The following OR2T35 variants were observed in gnomAD, a reference collection of about 807,000 sequenced individuals.
OR2T35 encodes the protein olfactory receptor family 2 subfamily T member 35 (gene/pseudogene).
For missense variants in OR2T35, 47 were observed against 278.8 expected (o/e 0.17, Z 5.92); for synonymous variants, 18 against 110.2 (o/e 0.16, Z 5.24).
chr1:248,642,350 AG>A (rs1347970057), intron 1 of OR2T35, among the ~76,000 whole-genome samples: 1 of 141,856 alleles, frequency 7.0e-6, no homozygotes, highest in East Asian at 2.1e-4. Context: ...CCTGACCCCC[AG>A]GACCAGTTAT....
Position 248,639,053 on chromosome 1 carries a change from A to G in OR2T35, c.206T>C (p.Ile69Thr), listed in dbSNP as rs1358471361. The change falls in exon 2 of 2, where the codon ATC becomes ACC. Residue 69 changes from isoleucine to threonine, a missense_variant. By Grantham distance (89) the Ile-to-Thr change is moderately conservative. Transcript: ENST00000641268. ...GATACAGATGTAGATGGTATCCATGATGGAGAGCTGGCTGAGCAAGAAGTA... is the reference window on the plus strand; with the variant it reads ...GATACAGATGTAGATGGTATCCATGGTGGAGAGCTGGCTGAGCAAGAAGTA... ...PMYFLLSQLSIMDTIYICITV... is the reference protein window; with the variant it reads ...PMYFLLSQLSTMDTIYICITV... 1 of 512,672 alleles carries G rather than the reference A, an allele frequency of 2.0e-6. No individual in the cohort carries two copies. The highest frequency in any genetic ancestry group is 3.4e-6 in the Non-Finnish European group (1 of 291,970). 31.8% of individuals were successfully genotyped at this position (512,672 alleles called of 1,614,324 possible). A position where few individuals can be genotyped will look rare whatever the true frequency, so the allele number is the denominator to read the frequency against.
chr1:248,639,547 TG>T (rs1161888054), intron 1 of OR2T35, among the ~76,000 whole-genome samples: 3 of 144,046 alleles, frequency 2.1e-5, no homozygotes, highest in African/African-American at 7.5e-5. Context: ...ATACAGTACC[TG>T]GTTTAGAATC....
In OR2T35 at chr1:248,644,991, T is replaced by TAAATAA. The variant is rs1161099433; in HGVS notation, c.-23+255_-23+256insTTATTT. On this transcript the variant is annotated intron_variant, in intron 1 of 1. Transcript: ENST00000641268. ...TACTGCCTTAGTTACCACCCCCCTT[T>TAAATAA]ATCTGCCTATTTAAATGGTAACTGT... Among the ~76,000 whole-genome samples the TAAATAA allele has an allele frequency of 2.3e-3, 45 of 19,882 alleles. 1 individual carries two copies. The Middle Eastern group carries it at 0.094, about 41-fold the overall frequency. 13.0% of individuals were successfully genotyped at this position (19,882 alleles called of 152,430 possible).
intron 1 of OR2T35, among the ~76,000 whole-genome samples, chr1:248,645,010 T>C: frequency 2.5e-5 from 1 of 39,712 alleles, no homozygotes; most frequent in Non-Finnish European, 9.0e-5. Flanking sequence ...ATTTAAATGG[T>C]AACTGTTTTC....
intron 1 of OR2T35, among the ~76,000 whole-genome samples, chr1:248,641,984 G>T (rs1413147707): frequency 9.4e-4 from 62 of 65,970 alleles, no homozygotes; most frequent in African/African-American, 1.9e-3. Context: ...AAGTAGACAG[G>T]GAAAATATCT....
intron 1 of OR2T35, among the ~76,000 whole-genome samples, chr1:248,641,327 C>A (rs1183496509): frequency 5.8e-5 from 1 of 17,100 alleles, no homozygotes; most frequent in African/African-American, 8.6e-5. Context: ...CAGTTAAATG[C>A]ATTATGGATA....
At position 248,642,162 on chromosome 1, in the gene OR2T35, A is replaced by G. The variant is rs141598987; in HGVS notation, c.-22-2882T>C. ...CCCATCAGCTCATCTTTCCCTCACT[A>G]TCATCATTCTCCACTCTAAGACACT... is the stretch of plus-strand genomic sequence containing the variant. On this transcript the variant is annotated intron_variant, in intron 1 of 1. Coordinates refer to ENST00000641268, the MANE Select transcript of OR2T35 (RefSeq NM_001001827.2). Among the ~76,000 whole-genome samples, 810 of 86,906 alleles carry G rather than the reference A, an allele frequency of 9.3e-3. 85 individuals are homozygous for G. The highest frequency in any genetic ancestry group is 0.023 in the African/African-American group (787 of 34,662). 57.0% of individuals were successfully genotyped at this position (86,906 alleles called of 152,430 possible).
rs1370741402 is a variant in OR2T35, at chr1:248,638,346, G to A, written c.913C>T (p.Leu305=). The change falls in exon 2 of 2, where the codon CTA becomes TTA. Residue 305 remains leucine (L), a synonymous_variant. Transcript: ENST00000641268. ...CTCTGGGAGGAACCACATCTCCCTA[G>A]TACTTTCCTCAGAGCTGCAGCCACA... ...KDVAAALRKV[L]GRCGSSQSIR... is the part of the protein sequence containing the mutation. 8 of 898,844 alleles carry A rather than the reference G, an allele frequency of 8.9e-6. No individual in the cohort carries two copies. The highest frequency in any genetic ancestry group is 1.8e-5 in the Admixed American group (1 of 54,228). The allele number at this position is 898,844 out of a possible 1,614,324, so 55.7% of individuals were successfully genotyped here. A position where few individuals can be genotyped will look rare whatever the true frequency, so the allele number is the denominator to read the frequency against.
chr1:248,640,585 CAA>C, intron 1 of OR2T35, among the ~76,000 whole-genome samples: 1 of 12,668 alleles, frequency 7.9e-5, no homozygotes, highest in African/African-American at 9.6e-5. Flanking sequence ...AACAAGAAAA[CAA>C]AAACTATAGA....
intron 1 of OR2T35, among the ~76,000 whole-genome samples, chr1:248,644,638 G>A (rs368443243): frequency 0.033 from 4,713 of 143,444 alleles, 220 homozygotes; most frequent in Non-Finnish European, 0.046. Flanking sequence ...GAGAAATAAG[G>A]TGCAAATGGG....
rs561839041 is a variant in OR2T35 at position 248,641,746 on chromosome 1, ATG to A, written c.-22-2468_-22-2467del. On this transcript the variant is annotated intron_variant, in intron 1 of 1. Transcript: ENST00000641268. ...TTGTGAGTGTGAGCGTTGTGCGTAC[ATG>A]TGTGTGTAGTGTGTTCATATGTGAG... 6.5e-4 allele frequency among the ~76,000 whole-genome samples: 53 copies of A among 82,104 alleles called. 2 individuals are homozygous for A. In the South Asian group the frequency reaches 0.025, roughly 39 times the overall value. The allele number at this position is 82,104 out of a possible 152,430, so 53.9% of individuals were successfully genotyped here.
chr1:248,642,096 G>T (rs1660790991), intron 1 of OR2T35, among the ~76,000 whole-genome samples: 3 of 90,044 alleles, frequency 3.3e-5, no homozygotes, highest in African/African-American at 8.4e-5. Flanking sequence ...TACGACGTGT[G>T]GTTTGACTTA....
intron 1 of OR2T35, among the ~76,000 whole-genome samples, chr1:248,644,606 A>G (rs1266226092): frequency 1.4e-5 from 2 of 144,654 alleles, no homozygotes; most frequent in African/African-American, 5.2e-5. Context: ...AAGTGAAGGC[A>G]GAGAGACCAG....
At chr1:248,642,216 C>CAAAAAAAAAAAAAAAAAA (rs61189391) in intron 1 of OR2T35, among the ~76,000 whole-genome samples, 3 of 53,658 alleles carry the variant, frequency 5.6e-5, no homozygotes, top group South Asian at 6.1e-4. Context: ...CTAGTCTTTC[C>CAAAAAAAAAAAAAAAAAA]AAAAAAAAAA....
rs1350986077 is a variant in OR2T35 at position 248,644,531 on chromosome 1, T to A, written c.-23+716A>T. Among the ~76,000 whole-genome samples the A allele has an allele frequency of 2.2e-5, 3 of 134,278 alleles. 1 individual carries two copies. The highest frequency in any genetic ancestry group is 4.8e-5 in the Non-Finnish European group (3 of 62,358). The allele number at this position is 134,278 out of a possible 152,430, so 88.1% of individuals were successfully genotyped here. Reference sequence around the variant, plus strand: ...TAGGGGTGGAAGAGAGAGGGGAGAGTCCAGTCTAACTACAGCTGAAGAGCC... The same window carrying A: ...TAGGGGTGGAAGAGAGAGGGGAGAGACCAGTCTAACTACAGCTGAAGAGCC... On this transcript the variant is annotated intron_variant, in intron 1 of 1. Coordinates refer to ENST00000641268, the MANE Select transcript of OR2T35 (RefSeq NM_001001827.2).
intron 1 of OR2T35, among the ~76,000 whole-genome samples, chr1:248,644,623 G>A (rs1486904045): frequency 6.9e-6 from 1 of 144,518 alleles, no homozygotes; most frequent in Admixed American, 6.9e-5. Flanking sequence ...CCAGAACTCA[G>A]CGTCGAGAAA....
At chr1:248,642,338 C>T (rs1215871227) in intron 1 of OR2T35, among the ~76,000 whole-genome samples, 685 of 140,434 alleles carry the variant, frequency 4.9e-3, no homozygotes, top group African/African-American at 0.016. Context: ...TAACCCAGAA[C>T]CCCTGACCCC....
At chr1:248,645,033 G>A (rs1223760651) in intron 1 of OR2T35, among the ~76,000 whole-genome samples, 2 of 112,746 alleles carry the variant, frequency 1.8e-5, no homozygotes, top group Non-Finnish European at 3.9e-5. Context: ...TCGTGGAAAA[G>A]TAGTCTACTT....
intron 1 of OR2T35, among the ~76,000 whole-genome samples, 163 bp from the exon 2 acceptor site, chr1:248,639,443 CAG>C (rs1283248536): frequency 6.6e-6 from 1 of 151,774 alleles, no homozygotes; most frequent in Non-Finnish European, 1.5e-5. Context: ...TGATATTGGA[CAG>C]AAAATTAATC....
Sources: allele counts gnomAD v4.1 joint callset (sites outside exome capture counted in the v4.1 genomes callset), GRCh38; gene constraint gnomAD v4.1.1; transcripts MANE v1.5; gene names NCBI Gene and HGNC (gene_info 2026-07-23, HGNC 2026-07-21).